Variants in PTPRZ1 observed in about 807,000 individuals in gnomAD.
The protein encoded by PTPRZ1 is protein tyrosine phosphatase receptor type Z1, also known as receptor-type tyrosine-protein phosphatase zeta.
In PTPRZ1, 82 loss-of-function variants were observed where a neutral mutation model predicts 214.1. That is an observed-to-expected ratio of 0.38 (90% confidence interval 0.32 to 0.46). PTPRZ1 has a LOEUF of 0.46. Among genes scored for constraint, PTPRZ1 ranks in the 20% least tolerant of loss-of-function variants. The probability of loss-of-function intolerance (pLI) is 1.00; values close to 1 mark genes in which losing one functional copy is unlikely to be tolerated. For synonymous variants in PTPRZ1, 945 were observed against 987.9 expected (o/e 0.96, Z 0.81); for missense variants, 2,603 against 2,748.7 (o/e 0.95, Z 1.19).
rs1262325359 is a variant in PTPRZ1, at chr7:121,928,197, G to A, written c.100G>A (p.Glu34Lys). The change falls in exon 2 of 30, where the codon GAA (glutamate) becomes AAA (lysine). Residue 34 changes from glutamate to lysine, a missense_variant. Transcript: ENST00000393386. Reference sequence around the variant, plus strand: ...CTACAGACAACAGAGAAAACTTGTTGAAGAGATTGGCTGGTCCTATACAGG... The same window carrying A: ...CTACAGACAACAGAGAAAACTTGTTAAAGAGATTGGCTGGTCCTATACAGG... ...GYYRQQRKLV[E>K]EIGWSYTGAL... 4 of 1,612,432 alleles carry A rather than the reference G, an allele frequency of 2.5e-6. No homozygotes were observed. The South Asian group carries it at 4.4e-5, about 18-fold the overall frequency.
chr7:122,033,292 T>G (rs1429954433), intron 15 of PTPRZ1, among the ~76,000 whole-genome samples: 1 of 151,922 alleles, frequency 6.6e-6, no homozygotes, highest in Non-Finnish European at 1.5e-5. Flanking sequence ...AAAGAAGCCT[T>G]AAAAGGTTAT....
chr7:121,996,359 A>G, intron 8 of PTPRZ1, 23 bp from the exon 9 acceptor site: 3 of 1,559,870 alleles, frequency 1.9e-6, no homozygotes, highest in Non-Finnish European at 2.6e-6. Flanking sequence ...TCTATCAACA[A>G]CTGTACTTTT....
intron 1 of PTPRZ1, among the ~76,000 whole-genome samples, chr7:121,885,518 C>T (rs1244930994): frequency 2.0e-5 from 3 of 152,284 alleles, no homozygotes; most frequent in Admixed American, 6.5e-5. Context: ...ACCGTCCATC[C>T]CACAAGAATG....
chr7:121,894,838 G>A (rs1163986377), intron 1 of PTPRZ1, among the ~76,000 whole-genome samples: 1 of 152,122 alleles, frequency 6.6e-6, no homozygotes, highest in Non-Finnish European at 1.5e-5. Context: ...TTGGATTTGG[G>A]GGAAGGTGTA....
intron 1 of PTPRZ1, among the ~76,000 whole-genome samples, chr7:121,903,986 A>G (rs1045324154): frequency 2.6e-4 from 40 of 152,128 alleles, no homozygotes; most frequent in Admixed American, 1.8e-3. Context: ...ACACACACAC[A>G]CACACACACA....
intron 23 of PTPRZ1, among the ~76,000 whole-genome samples, 189 bp from the exon 24 acceptor site, chr7:122,051,239 C>T (rs1206360): frequency 0.64 from 97,308 of 151,924 alleles, 32,903 homozygotes; most frequent in African/African-American, 0.88. Context: ...GTGTAAAACA[C>T]AGAAGCTCCA....
intron 2 of PTPRZ1, among the ~76,000 whole-genome samples, chr7:121,952,254 G>A (rs568917945): frequency 1.0e-5 from 1 of 99,716 alleles, no homozygotes; most frequent in Non-Finnish European, 2.1e-5. Context: ...CACCGCGCCC[G>A]GTGAGTGTTT....
chr7:121,909,087 A>G, intron 1 of PTPRZ1: 1 of 387,418 alleles, frequency 2.6e-6, no homozygotes, highest in Non-Finnish European at 5.1e-6. Flanking sequence ...ACTTAAAATT[A>G]GAGTATAATG....
intron 23 of PTPRZ1, among the ~76,000 whole-genome samples, chr7:122,047,876 A>G (rs1279396920): frequency 6.6e-6 from 1 of 151,666 alleles, no homozygotes; most frequent in African/African-American, 2.4e-5. Context: ...ATGGTTTCGA[A>G]CTCCTGAGCT....
chr7:122,058,970 C>T, intron 28 of PTPRZ1, 28 bp downstream of exon 28: 1 of 1,536,182 alleles, frequency 6.5e-7, no homozygotes, highest in Non-Finnish European at 8.9e-7. Flanking sequence ...GATGGTTTCA[C>T]ACCTGCACAT....
chr7:121,999,233 G>A (rs1798250320), intron 10 of PTPRZ1, among the ~76,000 whole-genome samples: 1 of 152,140 alleles, frequency 6.6e-6, no homozygotes. Context: ...CATGGCCTGG[G>A]TATAATCATC....
chr7:121,915,611 A>G (rs553580660), intron 1 of PTPRZ1, among the ~76,000 whole-genome samples: 1 of 152,298 alleles, frequency 6.6e-6, no homozygotes, highest in South Asian at 2.1e-4. Context: ...CTGGTTTGTG[A>G]TCCGCTTGAA....
chr7:121,900,844 T>C (rs1394565260), intron 1 of PTPRZ1, among the ~76,000 whole-genome samples: 5 of 152,198 alleles, frequency 3.3e-5, no homozygotes, highest in Admixed American at 6.6e-5. Context: ...CAAAGTCTAA[T>C]AATAAGTATG....
intron 26 of PTPRZ1, among the ~76,000 whole-genome samples, chr7:122,054,435 A>T (rs1361799596): frequency 6.6e-6 from 1 of 152,144 alleles, no homozygotes; most frequent in African/African-American, 2.4e-5. Flanking sequence ...CCTAGTTAGA[A>T]TTAAGTGATT....
At chr7:121,942,061 C>T (rs1482807483) in intron 2 of PTPRZ1, among the ~76,000 whole-genome samples, 1 of 152,168 alleles carries the variant, frequency 6.6e-6, no homozygotes, top group African/African-American at 2.4e-5. Flanking sequence ...GAATCAATTT[C>T]TCATAGATGA....
chr7:122,052,930 C>G (rs553841076), intron 25 of PTPRZ1, among the ~76,000 whole-genome samples: 1 of 152,146 alleles, frequency 6.6e-6, no homozygotes, highest in Non-Finnish European at 1.5e-5. Flanking sequence ...TCAAGTTTCT[C>G]TATCAGCTTA....
intron 3 of PTPRZ1, among the ~76,000 whole-genome samples, chr7:121,970,123 A>G (rs1320656553): frequency 6.6e-6 from 1 of 151,986 alleles, no homozygotes; most frequent in South Asian, 2.1e-4. Context: ...CCTACAAAGG[A>G]CATGAACTCA....
In PTPRZ1 at chr7:121,981,770, T is replaced by G. The variant is rs1214483230; in HGVS notation, c.620-1895T>G. ...TATATAAGAATAAACCCATATTTAT[T>G]GGTGTGTGTGTGTGTGTGTGTGTGT... On this transcript the variant is annotated intron_variant, in intron 6 of 29. Transcript: ENST00000393386. Among the ~76,000 whole-genome samples, 4 of 147,294 alleles carry G rather than the reference T, an allele frequency of 2.7e-5. No homozygotes were observed. The East Asian group carries it at 8.2e-4, about 30-fold the overall frequency.
chr7:122,052,043 G>A (rs1792203717), intron 25 of PTPRZ1, 104 bp downstream of exon 25: 1 of 795,906 alleles, frequency 1.3e-6, no homozygotes, highest in Non-Finnish European at 1.9e-6. Context: ...CAAATGAGTG[G>A]TAAATTTAAG....
Sources: allele counts gnomAD v4.1 joint callset (sites outside exome capture counted in the v4.1 genomes callset), GRCh38; gene constraint gnomAD v4.1.1; transcripts MANE v1.5; gene names NCBI Gene and HGNC (gene_info 2026-07-23, HGNC 2026-07-21).